Variants in TAS2R1 observed in about 807,000 individuals in gnomAD.
TAS2R1 encodes the protein taste receptor type 2 member 1.
For synonymous variants in TAS2R1, 141 were observed against 134.2 expected (o/e 1.05, Z -0.35); for missense variants, 370 against 353.4 (o/e 1.05, Z -0.38).
intron 1 of TAS2R1, among the ~76,000 whole-genome samples, chr5:9,662,237 C>T (rs538483117): frequency 1.1e-4 from 16 of 152,286 alleles, no homozygotes; most frequent in Non-Finnish European, 1.6e-4. Flanking sequence ...AAGGCACACA[C>T]GGTGGTGGGA....
chr5:9,702,953 G>A lies in TAS2R1; in HGVS notation c.-242+9219C>T, dbSNP rs548562736. On this transcript the variant is annotated intron_variant, in intron 1 of 2. Coordinates refer to the TAS2R1 transcript ENST00000506620. Reference sequence around the variant, plus strand: ...TCAGATGAAAGGGAGAGGCCAGAAAGAGAAAAAGTATTAATAGGAATATCC... The same window carrying A: ...TCAGATGAAAGGGAGAGGCCAGAAAAAGAAAAAGTATTAATAGGAATATCC... 1.4e-4 allele frequency among the ~76,000 whole-genome samples: 22 copies of A among 152,150 alleles called. No homozygotes were observed. In the East Asian group the frequency reaches 4.1e-3, roughly 28 times the overall value.
the TAS2R1 span, among the ~76,000 whole-genome samples, chr5:9,826,218 A>G: frequency 6.6e-6 from 1 of 152,160 alleles, no homozygotes; most frequent in Non-Finnish European, 1.5e-5. Flanking sequence ...AATGATGCTA[A>G]TATCATTACT....
the TAS2R1 span, among the ~76,000 whole-genome samples, chr5:9,851,416 G>A: frequency 2.0e-5 from 3 of 152,016 alleles, no homozygotes; most frequent in South Asian, 6.2e-4. Context: ...TAACTCTAGA[G>A]CACTTTAATT....
the TAS2R1 span, among the ~76,000 whole-genome samples, chr5:9,867,908 G>T: frequency 2.0e-5 from 3 of 152,150 alleles, no homozygotes; most frequent in African/African-American, 7.2e-5. Context: ...GGAGCTACAG[G>T]CCCCATGCAA....
the TAS2R1 span, among the ~76,000 whole-genome samples, chr5:9,734,693 C>A: frequency 6.6e-6 from 1 of 152,110 alleles, no homozygotes. Flanking sequence ...TAGATGGTGC[C>A]TACGTTTTAA....
intron 1 of TAS2R1, among the ~76,000 whole-genome samples, chr5:9,673,382 G>A (rs1740807701): frequency 6.6e-6 from 1 of 152,090 alleles, no homozygotes; most frequent in Non-Finnish European, 1.5e-5. Context: ...GAAAGCCAGT[G>A]GAAGGAGATA....
At chr5:9,848,633 T>C in the TAS2R1 span, among the ~76,000 whole-genome samples, 1 of 152,212 alleles carries the variant, frequency 6.6e-6, no homozygotes, top group Non-Finnish European at 1.5e-5. Context: ...GATGATACCA[T>C]GTTAATTAGC....
At chr5:9,786,867 T>C in the TAS2R1 span, among the ~76,000 whole-genome samples, 1 of 152,238 alleles carries the variant, frequency 6.6e-6, no homozygotes, top group Non-Finnish European at 1.5e-5. Context: ...CATTTTTTGT[T>C]GTAGCTGAAA....
At chr5:9,678,420 C>A (rs763370945) in intron 1 of TAS2R1, among the ~76,000 whole-genome samples, 9 of 152,094 alleles carry the variant, frequency 5.9e-5, no homozygotes, top group Non-Finnish European at 1.2e-4. Context: ...ACCCAGCAAT[C>A]CTATTACTGG....
At chr5:9,802,660 T>A in the TAS2R1 span, among the ~76,000 whole-genome samples, 9 of 152,136 alleles carry the variant, frequency 5.9e-5, no homozygotes, top group African/African-American at 2.2e-4. Context: ...CCCAGCAATT[T>A]CGGAGGCCAA....
At chr5:9,670,380 CCAAT>C (rs200787355) in intron 1 of TAS2R1, among the ~76,000 whole-genome samples, 1,538 of 152,242 alleles carry the variant, frequency 0.01, 17 homozygotes, top group Middle Eastern at 0.02. Flanking sequence ...TGAGTTTTGA[CCAAT>C]CAAAGAGGGC....
At chr5:9,655,527 G>C (rs143384407) in intron 2 of TAS2R1, among the ~76,000 whole-genome samples, 1 of 152,010 alleles carries the variant, frequency 6.6e-6, no homozygotes, top group African/African-American at 2.4e-5. Flanking sequence ...CATCTGAAAG[G>C]AAAAATGAAC....
At chr5:9,791,539 A>T in the TAS2R1 span, among the ~76,000 whole-genome samples, 1 of 152,098 alleles carries the variant, frequency 6.6e-6, no homozygotes, top group Non-Finnish European at 1.5e-5. Context: ...TCTCTACTAA[A>T]AATACAAAAA....
chr5:9,837,850 C>T, the TAS2R1 span, among the ~76,000 whole-genome samples: 1 of 152,178 alleles, frequency 6.6e-6, no homozygotes, highest in Non-Finnish European at 1.5e-5. Context: ...GCTATGGGCC[C>T]AGCACTAGAA....
chr5:9,773,718 T>C, the TAS2R1 span, among the ~76,000 whole-genome samples: 6 of 152,210 alleles, frequency 3.9e-5, no homozygotes, highest in African/African-American at 1.4e-4. Context: ...AGATTTTTCC[T>C]TCAGCACTTT....
chr5:9,836,230 CTT>C, the TAS2R1 span, among the ~76,000 whole-genome samples: 1 of 152,020 alleles, frequency 6.6e-6, no homozygotes. Context: ...CAATAAACCT[CTT>C]TCTTTTGTAA....
At chr5:9,873,909 A>T in the TAS2R1 span, among the ~76,000 whole-genome samples, 1 of 144,608 alleles carries the variant, frequency 6.9e-6, no homozygotes, top group South Asian at 2.3e-4. Flanking sequence ...GAGGACGGGG[A>T]AAAAAAGAAA....
At chr5:9,884,101 A>G in the TAS2R1 span, 1 of 152,140 alleles carries the variant, frequency 6.6e-6, no homozygotes, top group Admixed American at 6.5e-5. Flanking sequence ...TACTCCTGTG[A>G]TAACTAACAC....
At chr5:9,675,967 T>C (rs1432200104) in intron 1 of TAS2R1, among the ~76,000 whole-genome samples, 1 of 152,182 alleles carries the variant, frequency 6.6e-6, no homozygotes, top group Non-Finnish European at 1.5e-5. Flanking sequence ...TTTTCACCAT[T>C]GAATATGATA....
Sources: allele counts gnomAD v4.1 joint callset (sites outside exome capture counted in the v4.1 genomes callset), GRCh38; gene constraint gnomAD v4.1.1; transcripts MANE v1.5; gene names NCBI Gene and HGNC (gene_info 2026-07-23, HGNC 2026-07-21).